Variants in MED13L observed in about 807,000 individuals in gnomAD.
MED13L encodes mediator complex subunit 13L, also known as mediator of RNA polymerase II transcription subunit 13-like.
MED13L carries 7 observed loss-of-function variants against 220.9 expected under a neutral mutation model. The ratio of observed to expected loss-of-function variants is 0.03; its 90% CI spans 0.02 to 0.06. MED13L has a LOEUF of 0.06. Among genes scored for constraint, MED13L ranks in the 10% least tolerant of loss-of-function variants. The pLI, the probability that MED13L is intolerant of heterozygous loss-of-function variation, is 1.00. For missense variants in MED13L, 1,965 were observed against 2,760.5 expected (o/e 0.71, Z 6.46); for synonymous variants, 1,011 against 1,015.2 (o/e 1.00, Z 0.08).
At chr12:116,039,813 A>C (rs1407743481) in intron 4 of MED13L, among the ~76,000 whole-genome samples, 1 of 152,094 alleles carries the variant, frequency 6.6e-6, no homozygotes, top group Admixed American at 6.6e-5. Context: ...ATGACACTCA[A>C]GCAGAGACAC....
At chr12:116,241,818 C>T (rs931617318) in intron 1 of MED13L, among the ~76,000 whole-genome samples, 2 of 152,078 alleles carry the variant, frequency 1.3e-5, no homozygotes, top group Non-Finnish European at 2.9e-5. Flanking sequence ...CAATGAAACA[C>T]TAATCAAGCC....
chr12:116,125,685 G>T (rs539165729), intron 2 of MED13L, among the ~76,000 whole-genome samples: 2 of 152,258 alleles, frequency 1.3e-5, no homozygotes, highest in Admixed American at 1.3e-4. Context: ...TCTGTACTGT[G>T]TGAAGTCATG....
intron 2 of MED13L, among the ~76,000 whole-genome samples, chr12:116,160,032 T>C (rs1878741921): frequency 1.3e-5 from 2 of 152,214 alleles, no homozygotes; most frequent in African/African-American, 4.8e-5. Flanking sequence ...CTGTGATTTC[T>C]TCTCCATGAA....
intron 2 of MED13L, among the ~76,000 whole-genome samples, chr12:116,172,730 G>C (rs1879769782): frequency 3.3e-5 from 5 of 152,074 alleles, no homozygotes; most frequent in Admixed American, 3.3e-4. Context: ...AATCGCGACA[G>C]ACTCAGAAAA....
chr12:116,114,732 C>G (rs1017859984), intron 2 of MED13L, among the ~76,000 whole-genome samples: 1 of 152,140 alleles, frequency 6.6e-6, no homozygotes, highest in East Asian at 1.9e-4. Flanking sequence ...AAAAAATCTA[C>G]TAGAACTAAA....
intron 1 of MED13L, among the ~76,000 whole-genome samples, chr12:116,257,638 T>C (rs555890157): frequency 5.8e-4 from 88 of 152,322 alleles, no homozygotes; most frequent in Admixed American, 5.0e-3. Context: ...GAAAAAGAGA[T>C]TACTTTTTAA....
intron 1 of MED13L, among the ~76,000 whole-genome samples, chr12:116,241,341 AACAC>A (rs890266083): frequency 6.7e-5 from 10 of 149,138 alleles, no homozygotes; most frequent in Admixed American, 1.3e-4. Flanking sequence ...ACAAAAAAAA[AACAC>A]ACACACACAC....
At chr12:115,982,698 C>T (rs1877411525) in intron 21 of MED13L, 95 bp from the exon 22 acceptor site, 10 of 1,083,790 alleles carry the variant, frequency 9.2e-6, no homozygotes, top group Admixed American at 4.0e-5. Context: ...CACAGGCTCC[C>T]TAAAGAATGT....
At chr12:116,176,043 A>T (rs1367822141) in intron 2 of MED13L, among the ~76,000 whole-genome samples, 1 of 152,160 alleles carries the variant, frequency 6.6e-6, no homozygotes, top group Non-Finnish European at 1.5e-5. Context: ...TGGGAGTGGA[A>T]GAGACCACTG....
intron 2 of MED13L, among the ~76,000 whole-genome samples, chr12:116,164,548 T>C (rs1344245352): frequency 6.6e-6 from 1 of 152,226 alleles, no homozygotes; most frequent in Non-Finnish European, 1.5e-5. Context: ...TTTAAACAGA[T>C]GGCTATTCAG....
intron 4 of MED13L, among the ~76,000 whole-genome samples, chr12:116,057,550 TA>T (rs1259814975): frequency 1.3e-5 from 2 of 151,382 alleles, no homozygotes; most frequent in African/African-American, 4.9e-5. Context: ...AATGGTCTAA[TA>T]AATAAAGACG....
rs1880853870 is a variant in MED13L at position 116,031,782 on chromosome 12, A to AGGAAGGAAGGAAGGAG, written c.480-9182_480-9181insCTCCTTCCTTCCTTCC. Among the ~76,000 whole-genome samples, 4 of 149,812 alleles carry AGGAAGGAAGGAAGGAG rather than the reference A, an allele frequency of 2.7e-5. 1 individual carries two copies. Among genetic ancestry groups the AGGAAGGAAGGAAGGAG allele is most frequent in the Non-Finnish European group, 5.9e-5 (4 of 67,260 alleles). On this transcript the variant is annotated intron_variant, in intron 4 of 30. Coordinates refer to ENST00000281928, the MANE Select transcript of MED13L (RefSeq NM_015335.5). ...AAAGAAGGAAGGAAGGAAGGAAGGA[A>AGGAAGGAAGGAAGGAG]GGAAGGAAGGAAGGAAGGAAAGAAA...
intron 2 of MED13L, among the ~76,000 whole-genome samples, chr12:116,160,760 T>A (rs1214986978): frequency 1.3e-5 from 2 of 150,550 alleles, no homozygotes; most frequent in African/African-American, 4.9e-5. Context: ...ATTTTTTATT[T>A]TTTTTTTTTT....
intron 3 of MED13L, among the ~76,000 whole-genome samples, chr12:116,099,425 C>T (rs895820538): frequency 9.9e-5 from 15 of 152,146 alleles, no homozygotes; most frequent in East Asian, 5.8e-4. Flanking sequence ...TATGGAGTCA[C>T]GTCAAACACT....
chr12:116,258,783 A>G (rs1565954141), intron 1 of MED13L, among the ~76,000 whole-genome samples: 1 of 151,772 alleles, frequency 6.6e-6, no homozygotes, highest in African/African-American at 2.4e-5. Context: ...CTCAGAAAAA[A>G]AAAAAAAAAA....
At chr12:116,148,544 A>G (rs764451917) in intron 2 of MED13L, 2 of 323,852 alleles carry the variant, frequency 6.2e-6, no homozygotes, top group Admixed American at 6.4e-5. Flanking sequence ...TCAAGTTGAC[A>G]ATCCATACTA....
intron 2 of MED13L, among the ~76,000 whole-genome samples, chr12:116,146,582 T>G (rs1166201043): frequency 6.6e-6 from 1 of 151,920 alleles, no homozygotes; most frequent in East Asian, 1.9e-4. Context: ...ATTCCCTAAA[T>G]AGCCAACCAT....
intron 3 of MED13L, among the ~76,000 whole-genome samples, chr12:116,100,323 G>A (rs1252022178): frequency 1.3e-5 from 2 of 151,998 alleles, no homozygotes; most frequent in Non-Finnish European, 2.9e-5. Context: ...AATTGGCTGG[G>A]CACAGTGGCT....
At chr12:116,232,492 A>G (rs1869656738) in intron 2 of MED13L, among the ~76,000 whole-genome samples, 1 of 152,232 alleles carries the variant, frequency 6.6e-6, no homozygotes, top group Non-Finnish European at 1.5e-5. Context: ...ATATCCTCGC[A>G]TTATCAAATC....
Sources: gnomAD v4.1 joint callset for allele counts (sites outside exome capture counted in the v4.1 genomes callset) on GRCh38, gnomAD v4.1.1 for gene constraint, MANE v1.5 for transcripts, NCBI Gene and HGNC (gene_info 2026-07-23, HGNC 2026-07-21) for gene names.